Variants in LEF1 observed in about 807,000 individuals in gnomAD.
LEF1 encodes the protein lymphoid enhancer binding factor 1, also known as lymphoid enhancer-binding factor 1.
Under a neutral mutation model 51.2 loss-of-function variants are expected in LEF1, and 14 were observed. The observed-to-expected ratio is 0.27, with a 90% CI of 0.18 to 0.43. LEF1 has a LOEUF of 0.43. Ranked by LOEUF, LEF1 falls within the 20% of genes least tolerant of loss-of-function variation. The pLI, the probability that LEF1 is intolerant of heterozygous loss-of-function variation, is 1.00. For missense variants in LEF1, 386 were observed against 512.0 expected, an observed-to-expected ratio of 0.75 and a Z score of 2.37; for synonymous variants, 185 against 183.2, an observed-to-expected ratio of 1.01 and a Z score of -0.08.
At chr4:108,165,727 A>C (rs2110428067) in intron 1 of LEF1, among the ~76,000 whole-genome samples, 1 of 152,368 alleles carries the variant, frequency 6.6e-6, no homozygotes, top group African/African-American at 2.4e-5. Context: ...GTGCAGGCTT[A>C]CAAAAGTAGA....
intron 5 of LEF1, 83 bp downstream of exon 5, chr4:108,083,273 A>G: frequency 1.1e-6 from 1 of 930,454 alleles, no homozygotes; most frequent in Non-Finnish European, 1.8e-6. Context: ...AAGTGTTACC[A>G]TTCATAAATC....
intron 3 of LEF1, among the ~76,000 whole-genome samples, chr4:108,106,131 A>C (rs933306838): frequency 5.3e-5 from 8 of 152,170 alleles, no homozygotes; most frequent in African/African-American, 1.4e-4. Context: ...CTGATCAGTC[A>C]ATTTCACCTA....
chr4:108,075,982 T>C lies in LEF1; in HGVS notation c.1008+2238A>G, dbSNP rs890964634. 4.6e-5 allele frequency among the ~76,000 whole-genome samples: 7 copies of C among 151,396 alleles called. No individual in the cohort carries two copies. In the Admixed American group the frequency reaches 4.6e-4, roughly 10 times the overall value. On this transcript the variant is annotated intron_variant, in intron 8 of 11. Coordinates refer to ENST00000265165, the MANE Select transcript of LEF1 (RefSeq NM_016269.5). Reference sequence around the variant, plus strand: ...TTCTGTCCTGGAAGGAGTGGCCACCTCTGTTTGCCAGGACGGTCCCCCAAA... The same window carrying C: ...TTCTGTCCTGGAAGGAGTGGCCACCCCTGTTTGCCAGGACGGTCCCCCAAA...
chr4:108,053,564 G>C (rs1737140450), intron 11 of LEF1, among the ~76,000 whole-genome samples: 1 of 152,166 alleles, frequency 6.6e-6, no homozygotes, highest in South Asian at 2.1e-4. Flanking sequence ...AGCTCAACCA[G>C]ACTTTGGCAA....
At chr4:108,065,407 C>T (rs1362366837) in intron 9 of LEF1, among the ~76,000 whole-genome samples, 1 of 152,204 alleles carries the variant, frequency 6.6e-6, no homozygotes, top group Non-Finnish European at 1.5e-5. Flanking sequence ...ATCACTTGAA[C>T]CCGGAGGCAG....
At chr4:108,120,841 G>T (rs148335142) in intron 3 of LEF1, among the ~76,000 whole-genome samples, 1 of 152,308 alleles carries the variant, frequency 6.6e-6, no homozygotes, top group African/African-American at 2.4e-5. Context: ...CGGAATACAA[G>T]ATTTCCAAAA....
At chr4:108,050,365 T>C (rs1560750269) in intron 11 of LEF1, among the ~76,000 whole-genome samples, 5 of 152,120 alleles carry the variant, frequency 3.3e-5, no homozygotes, top group African/African-American at 1.2e-4. Context: ...CAGGGTGCTC[T>C]AGATTGGAGG....
intron 11 of LEF1, among the ~76,000 whole-genome samples, chr4:108,050,739 G>A (rs1272705920): frequency 6.6e-6 from 1 of 152,194 alleles, no homozygotes; most frequent in Admixed American, 6.5e-5. Context: ...ACAAGCACTG[G>A]GACTCAGAAT....
intron 8 of LEF1, among the ~76,000 whole-genome samples, chr4:108,076,032 G>A (rs1016601049): frequency 1.3e-5 from 2 of 149,842 alleles, no homozygotes; most frequent in East Asian, 2.0e-4. Flanking sequence ...TCCCTAAAGA[G>A]CTAAACGCTT....
Position 108,165,098 on chromosome 4 carries a change from G to A in LEF1, c.279C>T (p.Asp93=), listed in dbSNP as rs61731789. ...GAAGAAGTAGAATGGGTGTCTTACC[G>A]TCATCGGGGTGTTCTCTGGCCTTGT... is the stretch of plus-strand genomic sequence containing the variant. ...YHDKAREHPD[D]GKHPDGGLYN... is the part of the protein sequence containing the mutation. Residue 93 remains aspartate (D), a splice_region_variant and synonymous_variant, in exon 2 of 12, where the codon GAC becomes GAT. Coordinates refer to ENST00000265165, the MANE Select transcript of LEF1 (RefSeq NM_016269.5). The A allele has an allele frequency of 8.8e-4, 1,415 of 1,613,780 alleles. 16 individuals carry two copies. In the African/African-American group the frequency reaches 0.017, roughly 19 times the overall value.
chr4:108,166,316 C>A, intron 1 of LEF1: 1 of 1,531,876 alleles, frequency 6.5e-7, no homozygotes, highest in Non-Finnish European at 8.7e-7. Context: ...TGTTCTTAAA[C>A]GCGCTGTTTA....
intron 3 of LEF1, among the ~76,000 whole-genome samples, chr4:108,117,648 C>T (rs1424781182): frequency 6.6e-6 from 1 of 152,226 alleles, no homozygotes; most frequent in East Asian, 1.9e-4. Flanking sequence ...GAATGTCTGA[C>T]CTTTCCCAGG....
chr4:108,163,836 G>T, intron 2 of LEF1, 135 bp from the exon 3 acceptor site: 3 of 836,930 alleles, frequency 3.6e-6, no homozygotes, highest in Non-Finnish European at 5.3e-6. Context: ...TACTGTAACT[G>T]GATTATTATG....
intron 11 of LEF1, among the ~76,000 whole-genome samples, chr4:108,059,519 T>C (rs1578289592): frequency 6.6e-6 from 1 of 152,138 alleles, no homozygotes; most frequent in South Asian, 2.1e-4. Context: ...AGTTTTGCCA[T>C]GTTGCCCAGG....
At chr4:108,076,026 T>TA (rs11451946) in intron 8 of LEF1, among the ~76,000 whole-genome samples, 128,550 of 152,024 alleles carry the variant, frequency 0.85, 55,517 homozygotes, top group East Asian at 0.97. Context: ...TGTAGCTCCC[T>TA]AAAGAGCTAA....
At chr4:108,066,269 C>T (rs1738072931) in intron 9 of LEF1, among the ~76,000 whole-genome samples, 1 of 152,192 alleles carries the variant, frequency 6.6e-6, no homozygotes, top group South Asian at 2.1e-4. Context: ...CTGCAAGGTT[C>T]AGAAGTTGCT....
chr4:108,129,988 A>G (rs1742770921), intron 3 of LEF1, among the ~76,000 whole-genome samples: 2 of 152,218 alleles, frequency 1.3e-5, no homozygotes, highest in South Asian at 4.1e-4. Flanking sequence ...ATGAGTAACG[A>G]TACTATTTAC....
At chr4:108,099,447 T>G (rs1414529708) in intron 3 of LEF1, among the ~76,000 whole-genome samples, 2 of 150,648 alleles carry the variant, frequency 1.3e-5, no homozygotes, top group Non-Finnish European at 3.0e-5. Context: ...AGCTGGTAAT[T>G]TAACATTACA....
At chr4:108,109,581 C>A (rs1489489136) in intron 3 of LEF1, among the ~76,000 whole-genome samples, 1 of 152,178 alleles carries the variant, frequency 6.6e-6, no homozygotes, top group African/African-American at 2.4e-5. Flanking sequence ...CCACTTAGAA[C>A]AGCATCTGGC....
Sources: gnomAD v4.1 joint callset for allele counts (sites outside exome capture counted in the v4.1 genomes callset) on GRCh38, gnomAD v4.1.1 for gene constraint, MANE v1.5 for transcripts, NCBI Gene and HGNC (gene_info 2026-07-23, HGNC 2026-07-21) for gene names.